The following FRMD4B variants were observed in gnomAD, a reference collection of about 807,000 sequenced individuals.
The protein encoded by FRMD4B is FERM domain containing 4B, also known as FERM domain-containing protein 4B.
FRMD4B carries 74 observed loss-of-function variants against 141.5 expected under a neutral mutation model. That is an observed-to-expected ratio of 0.52 (90% CI 0.43 to 0.63). The LOEUF (loss-of-function observed/expected upper bound fraction) is 0.63. Ranked by LOEUF, FRMD4B falls within the 30% of genes least tolerant of loss-of-function variation. The pLI is 0.00. For synonymous variants in FRMD4B, 506 were observed against 467.9 expected, an observed-to-expected ratio of 1.08 and a Z score of -1.05; for missense variants, 1,366 against 1,253.4, an observed-to-expected ratio of 1.09 and a Z score of -1.36.
chr3:69,230,268 G>C (rs542965813), intron 7 of FRMD4B, among the ~76,000 whole-genome samples: 1 of 151,974 alleles, frequency 6.6e-6, no homozygotes, highest in Non-Finnish European at 1.5e-5. Flanking sequence ...GAGCCACCTC[G>C]TCCGGCGACT....
At chr3:69,347,419 T>C (rs1423650104) in intron 1 of FRMD4B, among the ~76,000 whole-genome samples, 1 of 152,144 alleles carries the variant, frequency 6.6e-6, no homozygotes, top group South Asian at 2.1e-4. Flanking sequence ...ATCAGACAGA[T>C]CAATGAGACA....
intron 1 of FRMD4B, among the ~76,000 whole-genome samples, chr3:69,472,813 T>C (rs983635679): frequency 1.3e-5 from 2 of 151,944 alleles, no homozygotes; most frequent in Non-Finnish European, 2.9e-5. Flanking sequence ...ATGGGTCAAA[T>C]GTTCAAGTAT....
At chr3:69,480,810 G>A (rs1706108725) in intron 1 of FRMD4B, among the ~76,000 whole-genome samples, 1 of 152,240 alleles carries the variant, frequency 6.6e-6, no homozygotes, top group Non-Finnish European at 1.5e-5. Context: ...CCTGCCCCCA[G>A]AGGTGGAGCC....
At chr3:69,330,916 T>C (rs1249642528) in intron 1 of FRMD4B, among the ~76,000 whole-genome samples, 2 of 152,200 alleles carry the variant, frequency 1.3e-5, no homozygotes, top group African/African-American at 2.4e-5. Flanking sequence ...TGTTTCCAAC[T>C]TTTTCATTCA....
intron 1 of FRMD4B, among the ~76,000 whole-genome samples, chr3:69,496,277 A>G (rs144539227): frequency 1.3e-5 from 2 of 152,228 alleles, no homozygotes; most frequent in African/African-American, 4.8e-5. Flanking sequence ...CACTCTTTAG[A>G]GGTTTTGTTA....
intron 1 of FRMD4B, among the ~76,000 whole-genome samples, chr3:69,519,510 A>G (rs771972302): frequency 6.6e-6 from 1 of 152,020 alleles, no homozygotes; most frequent in Admixed American, 6.6e-5. Context: ...GCAATACTCT[A>G]TTCCTCCTCA....
chr3:69,381,188 T>C (rs1055151032), intron 1 of FRMD4B, among the ~76,000 whole-genome samples: 13 of 152,248 alleles, frequency 8.5e-5, no homozygotes, highest in African/African-American at 1.9e-4. Flanking sequence ...AAATACCTTA[T>C]AGCTAGTATC....
At chr3:69,497,631 T>C (rs1176793243) in intron 1 of FRMD4B, among the ~76,000 whole-genome samples, 2 of 152,022 alleles carry the variant, frequency 1.3e-5, no homozygotes, top group Non-Finnish European at 2.9e-5. Flanking sequence ...GTATACAGAG[T>C]GAAACACAGT....
At chr3:69,304,515 G>T (rs1481137446) in intron 3 of FRMD4B, among the ~76,000 whole-genome samples, 1 of 151,208 alleles carries the variant, frequency 6.6e-6, no homozygotes, top group African/African-American at 2.4e-5. Flanking sequence ...ACAGTACAGG[G>T]CTGAATACTC....
chr3:69,535,760 G>A (rs1701074915), intron 1 of FRMD4B: 1 of 467,108 alleles, frequency 2.1e-6, no homozygotes, highest in South Asian at 1.6e-5. Flanking sequence ...CTAGACAGGT[G>A]TGCAGGCACC....
intron 1 of FRMD4B, among the ~76,000 whole-genome samples, chr3:69,347,369 A>G (rs1422858335): frequency 2.0e-5 from 3 of 152,212 alleles, no homozygotes; most frequent in African/African-American, 7.2e-5. Context: ...TTAGACTCCC[A>G]CACAATAATA....
chr3:69,194,395 C>T (rs1185076540), intron 16 of FRMD4B, among the ~76,000 whole-genome samples: 1 of 152,118 alleles, frequency 6.6e-6, no homozygotes, highest in East Asian at 1.9e-4. Context: ...GATGGGTACA[C>T]AGTGAGCACT....
At chr3:69,232,136 C>T (rs916069814) in intron 7 of FRMD4B, among the ~76,000 whole-genome samples, 2 of 152,180 alleles carry the variant, frequency 1.3e-5, no homozygotes, top group Non-Finnish European at 2.9e-5. Flanking sequence ...TGCCTTTCAC[C>T]AGCAATAAAT....
rs1406399130 is a variant in FRMD4B, at chr3:69,329,729, A to G, written c.163-16212T>C. 2.0e-5 allele frequency among the ~76,000 whole-genome samples: 3 copies of G among 150,974 alleles called. No individual in the cohort carries two copies. The East Asian group carries it at 5.8e-4, about 29-fold the overall frequency. ...GTATTTTTAGTAGAGACGGGGTTTCACTATGTTGACCAGGCTGGTCTCAAA... is the reference window on the plus strand; with the variant it reads ...GTATTTTTAGTAGAGACGGGGTTTCGCTATGTTGACCAGGCTGGTCTCAAA... On this transcript the variant is annotated intron_variant, in intron 1 of 22. Transcript: ENST00000398540.
chr3:69,457,958 T>G (rs960221811), intron 1 of FRMD4B, among the ~76,000 whole-genome samples: 1 of 152,078 alleles, frequency 6.6e-6, no homozygotes, highest in Non-Finnish European at 1.5e-5. Context: ...GGCTGCAGAG[T>G]TGGCAGAAAG....
intron 2 of FRMD4B, among the ~76,000 whole-genome samples, chr3:69,391,990 T>G (rs1419539968): frequency 1.3e-5 from 2 of 152,224 alleles, no homozygotes; most frequent in East Asian, 3.8e-4. Context: ...CTTATTCATA[T>G]TTGTTTCCCC....
At chr3:69,326,640 T>C (rs896156691) in intron 1 of FRMD4B, among the ~76,000 whole-genome samples, 1 of 152,208 alleles carries the variant, frequency 6.6e-6, no homozygotes, top group Admixed American at 6.5e-5. Flanking sequence ...AAGTTGAGAA[T>C]GACTTGTCTG....
intron 4 of FRMD4B, among the ~76,000 whole-genome samples, chr3:69,297,861 G>A (rs553206000): frequency 4.0e-4 from 61 of 152,260 alleles, no homozygotes; most frequent in African/African-American, 1.3e-3. Context: ...ATTATGGTGC[G>A]TCTATACACA....
At chr3:69,231,998 T>C (rs1455197527) in intron 7 of FRMD4B, among the ~76,000 whole-genome samples, 1 of 152,130 alleles carries the variant, frequency 6.6e-6, no homozygotes, top group Non-Finnish European at 1.5e-5. Flanking sequence ...GTCTGGCTTC[T>C]GCACAGAAGG....
Sources: gnomAD v4.1 joint callset for allele counts (sites outside exome capture counted in the v4.1 genomes callset) on GRCh38, gnomAD v4.1.1 for gene constraint, MANE v1.5 for transcripts, NCBI Gene and HGNC (gene_info 2026-07-23, HGNC 2026-07-21) for gene names.